PDE4B: variants seen among roughly 807,000 people sequenced by gnomAD.
PDE4B encodes 3',5'-cyclic-AMP phosphodiesterase 4B.
Under a neutral mutation model 82.2 loss-of-function variants are expected in PDE4B, and 20 were observed. That is an observed-to-expected ratio of 0.24 (90% CI 0.17 to 0.35). The LOEUF (loss-of-function observed/expected upper bound fraction) is 0.35. PDE4B is among the 10% of genes least tolerant of loss of function. The pLI, the probability that PDE4B is intolerant of heterozygous loss-of-function variation, is 1.00. For missense variants in PDE4B, 655 were observed against 907.2 expected (o/e 0.72, Z 3.57); for synonymous variants, 320 against 318.9 (o/e 1.00, Z -0.04).
intron 3 of PDE4B, among the ~76,000 whole-genome samples, chr1:66,180,847 G>A (rs1647048896): frequency 6.6e-6 from 1 of 152,158 alleles, no homozygotes; most frequent in Admixed American, 6.5e-5. Context: ...GAGAATGTGT[G>A]TATGTGTGTC....
At chr1:66,137,905 C>A (rs1363623629) in intron 3 of PDE4B, among the ~76,000 whole-genome samples, 2 of 152,096 alleles carry the variant, frequency 1.3e-5, no homozygotes, top group African/African-American at 4.8e-5. Context: ...TTATAGTGAG[C>A]ACTTATTATG....
intron 3 of PDE4B, among the ~76,000 whole-genome samples, chr1:66,168,038 C>T (rs973885723): frequency 6.6e-6 from 1 of 152,168 alleles, no homozygotes; most frequent in African/African-American, 2.4e-5. Flanking sequence ...TTACCTTGAA[C>T]ATTCACTCTG....
intron 2 of PDE4B, among the ~76,000 whole-genome samples, chr1:65,915,381 A>G (rs1265354844): frequency 6.6e-6 from 1 of 152,196 alleles, no homozygotes; most frequent in Non-Finnish European, 1.5e-5. Context: ...GCTGCTTTCC[A>G]TAATTTCCAT....
At chr1:65,954,569 T>C (rs1184648921) in intron 3 of PDE4B, among the ~76,000 whole-genome samples, 1 of 152,282 alleles carries the variant, frequency 6.6e-6, no homozygotes, top group East Asian at 1.9e-4. Flanking sequence ...AAGTGATTAC[T>C]GTTATGTATA....
At position 66,180,638 on chromosome 1, in the gene PDE4B, T is replaced by C. The variant is rs575159586; in HGVS notation, c.282-66822T>C. On this transcript the variant is annotated intron_variant, in intron 3 of 16. Transcript: ENST00000341517. ...AAGAGGTGGAATACTCCAGGGTAGG[T>C]AACAACTTGGGCAGCTATTCACTTG... 3.3e-5 allele frequency among the ~76,000 whole-genome samples: 5 copies of C among 152,296 alleles called. No homozygotes were observed. In the East Asian group the frequency reaches 9.6e-4, roughly 29 times the overall value.
chr1:65,951,003 T>C (rs1648964642), intron 3 of PDE4B, among the ~76,000 whole-genome samples: 1 of 152,064 alleles, frequency 6.6e-6, no homozygotes, highest in African/African-American at 2.4e-5. Flanking sequence ...CTTTCCTCCT[T>C]TTTAGTGGAA....
intron 3 of PDE4B, chr1:66,050,731 A>G (rs1654977835): frequency 6.6e-6 from 1 of 152,134 alleles, no homozygotes; most frequent in South Asian, 2.1e-4. Flanking sequence ...CTGTCTGACT[A>G]AAAATGATGA....
intron 3 of PDE4B, among the ~76,000 whole-genome samples, chr1:66,075,320 T>A (rs1373904720): frequency 6.6e-6 from 1 of 152,050 alleles, no homozygotes; most frequent in African/African-American, 2.4e-5. Flanking sequence ...AAATTTTTGT[T>A]TGAACAGCTG....
At chr1:65,906,072 T>G (rs1647024977) in intron 1 of PDE4B, among the ~76,000 whole-genome samples, 1 of 152,130 alleles carries the variant, frequency 6.6e-6, no homozygotes, top group African/African-American at 2.4e-5. Flanking sequence ...TTTAATTTTT[T>G]ATACTCTCAT....
At chr1:66,116,951 C>T (rs555014647) in intron 3 of PDE4B, among the ~76,000 whole-genome samples, 1 of 152,136 alleles carries the variant, frequency 6.6e-6, no homozygotes, top group Admixed American at 6.5e-5. Context: ...CCATCTCTGC[C>T]CGCCCTCATT....
intron 3 of PDE4B, among the ~76,000 whole-genome samples, chr1:66,242,817 T>C (rs1001468616): frequency 2.0e-5 from 3 of 152,246 alleles, no homozygotes; most frequent in Non-Finnish European, 1.5e-5. Context: ...CCCCACCTGC[T>C]GGGCTTGGAG....
intron 3 of PDE4B, among the ~76,000 whole-genome samples, chr1:66,247,025 T>C (rs1653366831): frequency 6.6e-6 from 1 of 152,164 alleles, no homozygotes; most frequent in African/African-American, 2.4e-5. Flanking sequence ...GAAGAAGTCT[T>C]CCAGACAGGA....
chr1:66,064,197 C>T (rs1333099232), intron 3 of PDE4B, among the ~76,000 whole-genome samples: 1 of 151,848 alleles, frequency 6.6e-6, no homozygotes, highest in Non-Finnish European at 1.5e-5. Flanking sequence ...TCCAACGGTG[C>T]TAATGAAGTG....
At chr1:65,925,966 A>T (rs1469154969) in intron 3 of PDE4B, among the ~76,000 whole-genome samples, 2 of 152,142 alleles carry the variant, frequency 1.3e-5, no homozygotes, top group African/African-American at 2.4e-5. Flanking sequence ...TCCTGGATGT[A>T]GAGTAGGGGT....
At chr1:66,280,466 A>G (rs990200789) in intron 7 of PDE4B, among the ~76,000 whole-genome samples, 1 of 152,232 alleles carries the variant, frequency 6.6e-6, no homozygotes, top group Admixed American at 6.5e-5. Context: ...AAAAGAAGTT[A>G]ATTTGGACCA....
chr1:66,218,073 G>A (rs1483411490), intron 3 of PDE4B, among the ~76,000 whole-genome samples: 2 of 152,124 alleles, frequency 1.3e-5, no homozygotes, highest in Admixed American at 1.3e-4. Flanking sequence ...ATCAGCATTA[G>A]CCTGGTAATT....
chr1:65,986,645 G>C (rs2100664900), intron 3 of PDE4B, among the ~76,000 whole-genome samples: 1 of 152,202 alleles, frequency 6.6e-6, no homozygotes. Context: ...ATGAATATTT[G>C]TTTAAATACC....
chr1:66,213,155 C>T (rs1650198500), intron 3 of PDE4B, among the ~76,000 whole-genome samples: 1 of 152,138 alleles, frequency 6.6e-6, no homozygotes, highest in South Asian at 2.1e-4. Context: ...AAGGAAGACT[C>T]CTTTCTAAGG....
At chr1:66,011,240 G>T in intron 3 of PDE4B, among the ~76,000 whole-genome samples, 1 of 93,966 alleles carries the variant, frequency 1.1e-5, no homozygotes, top group African/African-American at 3.9e-5. Flanking sequence ...AAAAAAAAAA[G>T]AACTGGTGAG....
Sources: gnomAD v4.1 joint callset for allele counts (sites outside exome capture counted in the v4.1 genomes callset) on GRCh38, gnomAD v4.1.1 for gene constraint, MANE v1.5 for transcripts, NCBI Gene and HGNC (gene_info 2026-07-23, HGNC 2026-07-21) for gene names.